ANO4: variants seen among roughly 807,000 people sequenced by gnomAD.
The protein encoded by ANO4 is anoctamin-4.
Under a neutral mutation model 141.9 loss-of-function variants are expected in ANO4, and 69 were observed. The ratio of observed to expected loss-of-function variants is 0.49; its 90% CI spans 0.40 to 0.59. The LOEUF (loss-of-function observed/expected upper bound fraction) is 0.59, where lower values mean the gene tolerates loss of function less well. Ranked by LOEUF, ANO4 falls within the 20% of genes least tolerant of loss-of-function variation. ANO4 has a pLI of 0.00. For synonymous variants in ANO4, 350 were observed against 394.3 expected (o/e 0.89, Z 1.33); for missense variants, 894 against 1,162.2 (o/e 0.77, Z 3.36).
At chr12:101,118,598 T>C (rs2050950206) in intron 25 of ANO4, among the ~76,000 whole-genome samples, 1 of 152,196 alleles carries the variant, frequency 6.6e-6, no homozygotes, top group Non-Finnish European at 1.5e-5. Context: ...AATACATTAA[T>C]GACCTGGGAA....
At chr12:100,828,903 C>T (rs1047814891) in intron 1 of ANO4, among the ~76,000 whole-genome samples, 1 of 151,918 alleles carries the variant, frequency 6.6e-6, no homozygotes, top group Admixed American at 6.6e-5. Context: ...GCCTGTAATT[C>T]CAGCTACTTG....
intron 1 of ANO4, among the ~76,000 whole-genome samples, chr12:100,813,977 T>C (rs1355303604): frequency 2.0e-5 from 3 of 152,128 alleles, no homozygotes; most frequent in Non-Finnish European, 4.4e-5. Context: ...GCATGTAATA[T>C]GGCTCTCAAT....
chr12:101,117,780 G>A (rs1431307719), intron 25 of ANO4, among the ~76,000 whole-genome samples: 15 of 152,200 alleles, frequency 9.9e-5, no homozygotes, highest in Admixed American at 9.8e-4. Context: ...CCACAAGGAA[G>A]AACAGCCATG....
chr12:100,949,104 A>G (rs933280284), intron 5 of ANO4, among the ~76,000 whole-genome samples: 5 of 152,178 alleles, frequency 3.3e-5, no homozygotes, highest in Non-Finnish European at 5.9e-5. Context: ...AATTCTGCCA[A>G]TAACTGAGAA....
intron 1 of ANO4, among the ~76,000 whole-genome samples, chr12:100,804,904 C>G (rs537334219): frequency 6.6e-6 from 1 of 152,206 alleles, no homozygotes; most frequent in East Asian, 1.9e-4. Context: ...TGTAGGTTGT[C>G]TGTTTGCTCT....
intron 8 of ANO4, among the ~76,000 whole-genome samples, chr12:101,012,613 T>C (rs1265947236): frequency 6.6e-6 from 1 of 152,196 alleles, no homozygotes; most frequent in Non-Finnish European, 1.5e-5. Context: ...AGGTCATTGG[T>C]ATGGGCAGGA....
chr12:100,734,129 T>C (rs1106878), intron 2 of ANO4, among the ~76,000 whole-genome samples: 101,332 of 152,128 alleles, frequency 0.67, 33,892 homozygotes, highest in East Asian at 0.82. Flanking sequence ...TTAACCCTTT[T>C]GTTTTTGTAG....
At chr12:100,747,190 T>C (rs917761310) in intron 3 of ANO4, among the ~76,000 whole-genome samples, 3 of 152,196 alleles carry the variant, frequency 2.0e-5, no homozygotes, top group Admixed American at 6.5e-5. Context: ...TCTCTGAAGC[T>C]CTGCTTAGTG....
intron 9 of ANO4, among the ~76,000 whole-genome samples, chr12:101,023,862 A>C (rs901165393): frequency 6.6e-6 from 1 of 152,204 alleles, no homozygotes; most frequent in Non-Finnish European, 1.5e-5. Flanking sequence ...AAAAGAAATA[A>C]TATGTTAGAA....
intron 1 of ANO4, among the ~76,000 whole-genome samples, chr12:100,797,460 T>C (rs962826671): frequency 6.6e-6 from 1 of 152,072 alleles, no homozygotes; most frequent in Non-Finnish European, 1.5e-5. Flanking sequence ...GCAGGAAAAA[T>C]TGATAAAAGC....
intron 1 of ANO4, among the ~76,000 whole-genome samples, chr12:100,729,088 A>T: frequency 6.6e-6 from 1 of 152,090 alleles, no homozygotes; most frequent in East Asian, 1.9e-4. Context: ...TAAACAATAT[A>T]ATTCAGTTGT....
chr12:101,064,968 T>C (rs1266421581), intron 14 of ANO4, among the ~76,000 whole-genome samples: 2 of 152,180 alleles, frequency 1.3e-5, no homozygotes, highest in African/African-American at 2.4e-5. Context: ...TATCAGATAC[T>C]GCCACTGTAT....
At chr12:100,764,673 T>TACA (rs1855435269) in intron 3 of ANO4, among the ~76,000 whole-genome samples, 1 of 152,158 alleles carries the variant, frequency 6.6e-6, no homozygotes, top group Non-Finnish European at 1.5e-5. Flanking sequence ...TCAGCACATG[T>TACA]TTGATTAAAT....
rs957512349 is a variant in ANO4 at position 100,852,209 on chromosome 12, G to A, written c.-140-49437G>A. The A allele has an allele frequency of 2.0e-5, 3 of 152,160 alleles. No individual in the cohort carries two copies. In the East Asian group the frequency reaches 5.8e-4, roughly 29 times the overall value. 9.4% of individuals were successfully genotyped at this position (152,160 alleles called of 1,614,324 possible). A position where few individuals can be genotyped will look rare whatever the true frequency, so the allele number is the denominator to read the frequency against. Reference sequence around the variant, plus strand: ...TTCCTTTTGAAATTTGTGCTTTCTTGCTTATAAACTTGCTATAATCTATAC... The same window carrying A: ...TTCCTTTTGAAATTTGTGCTTTCTTACTTATAAACTTGCTATAATCTATAC... On this transcript the variant is annotated intron_variant, in intron 1 of 27. Coordinates refer to ENST00000392977, the MANE Select transcript of ANO4 (RefSeq NM_001286615.2).
chr12:100,820,833 G>T (rs930492945), intron 1 of ANO4, among the ~76,000 whole-genome samples: 1 of 152,070 alleles, frequency 6.6e-6, no homozygotes, highest in African/African-American at 2.4e-5. Flanking sequence ...GATGGATGCT[G>T]CTCTTCCTTC....
intron 3 of ANO4, among the ~76,000 whole-genome samples, chr12:100,751,212 G>A (rs374335345): frequency 8.5e-5 from 13 of 152,242 alleles, no homozygotes; most frequent in African/African-American, 2.6e-4. Context: ...GTGTACCATG[G>A]GGCCCACAGC....
At position 100,819,703 on chromosome 12, in the gene ANO4, G is replaced by A. The variant is rs1401087917; in HGVS notation, c.-141+24676G>A. Among the ~76,000 whole-genome samples, 3 of 151,930 alleles carry A rather than the reference G, an allele frequency of 2.0e-5. No individual in the cohort carries two copies. The East Asian group carries it at 5.8e-4, about 29-fold the overall frequency. ...CTGAGAACAGGTTTCAAAAGTAACA[G>A]CATAGATACCAATCACATTTTTTCT... On this transcript the variant is annotated intron_variant, in intron 1 of 27. Transcript: ENST00000392977.
chr12:100,868,697 T>C (rs566929760), intron 1 of ANO4, among the ~76,000 whole-genome samples: 9 of 152,236 alleles, frequency 5.9e-5, no homozygotes, highest in African/African-American at 2.2e-4. Context: ...CTCCTCCCCC[T>C]TGTGGGAGTT....
intron 2 of ANO4, among the ~76,000 whole-genome samples, chr12:100,903,758 C>A (rs189984020): frequency 6.6e-6 from 1 of 152,152 alleles, no homozygotes; most frequent in East Asian, 1.9e-4. Context: ...TTCAACTGAC[C>A]TAGATTATCA....
Sources: allele counts gnomAD v4.1 joint callset (sites outside exome capture counted in the v4.1 genomes callset), GRCh38; gene constraint gnomAD v4.1.1; transcripts MANE v1.5; gene names NCBI Gene and HGNC (gene_info 2026-07-23, HGNC 2026-07-21).